Variants in KIAA0825 observed in about 807,000 individuals in gnomAD.
KIAA0825 encodes KIAA0825.
Under a neutral mutation model 147.6 loss-of-function variants are expected in KIAA0825, and 119 were observed. The observed-to-expected ratio is 0.81, with a 90% confidence interval of 0.69 to 0.94. The LOEUF is 0.94. KIAA0825 is among the 40% of genes least tolerant of loss of function. The probability of loss-of-function intolerance (pLI) is 0.00; values close to 1 mark genes in which losing one functional copy is unlikely to be tolerated. For synonymous variants in KIAA0825, 470 were observed against 518.1 expected (o/e 0.91, Z 1.26); for missense variants, 1,381 against 1,472.7 (o/e 0.94, Z 1.02).
intron 14 of KIAA0825, among the ~76,000 whole-genome samples, chr5:94,417,691 TTTTG>T (rs1237747389): frequency 6.6e-6 from 1 of 152,178 alleles, no homozygotes; most frequent in African/African-American, 2.4e-5. Context: ...AGGAAAACTT[TTTTG>T]TTTCTTTTTC....
At chr5:94,289,179 T>G (rs906180426) in intron 20 of KIAA0825, among the ~76,000 whole-genome samples, 2 of 152,206 alleles carry the variant, frequency 1.3e-5, no homozygotes, top group African/African-American at 4.8e-5. Context: ...ATGCTTTCAG[T>G]TGTTTGCTAA....
Position 94,151,416 on chromosome 5 carries a change from T to A in KIAA0825, c.*2591A>T. Among the ~76,000 whole-genome samples, 1 of 95,038 alleles carries A rather than the reference T, an allele frequency of 1.1e-5. No homozygotes were observed. The highest frequency in any genetic ancestry group is 4.3e-5 in the African/African-American group (1 of 23,034). 62.3% of individuals were successfully genotyped at this position (95,038 alleles called of 152,430 possible). A position where few individuals can be genotyped will look rare whatever the true frequency, so the allele number is the denominator to read the frequency against. On this transcript the variant is annotated 3_prime_UTR_variant, in exon 21 of 21. Coordinates refer to ENST00000682413, the MANE Select transcript of KIAA0825 (RefSeq NM_001145678.3). ...TCCGGCCTGGGCGACAGAGCGAGAC[T>A]CCGTCTCAAAAAAAAAAAAAAAAAA...
At chr5:94,203,395 T>C (rs1771874245) in intron 20 of KIAA0825, among the ~76,000 whole-genome samples, 1 of 152,172 alleles carries the variant, frequency 6.6e-6, no homozygotes, top group Non-Finnish European at 1.5e-5. Context: ...CAAAATAAGA[T>C]ACAAAACTAA....
chr5:94,404,592 T>G (rs909928285), intron 15 of KIAA0825, among the ~76,000 whole-genome samples: 14 of 151,974 alleles, frequency 9.2e-5, no homozygotes, highest in African/African-American at 3.1e-4. Flanking sequence ...AAGAATAGAG[T>G]AACAGCCCTA....
At chr5:94,609,911 A>G (rs1368338058) in intron 1 of KIAA0825, among the ~76,000 whole-genome samples, 2 of 152,160 alleles carry the variant, frequency 1.3e-5, no homozygotes, top group Non-Finnish European at 2.9e-5. Flanking sequence ...GAAAGCTCTT[A>G]ACAGTAGAGG....
chr5:94,156,428 A>T (rs1767036017), intron 20 of KIAA0825, among the ~76,000 whole-genome samples: 1 of 152,190 alleles, frequency 6.6e-6, no homozygotes. Flanking sequence ...TTTCCTTCCC[A>T]TGTAAAGGTG....
chr5:94,584,564 T>C (rs1457862592), intron 1 of KIAA0825, among the ~76,000 whole-genome samples: 1 of 152,110 alleles, frequency 6.6e-6, no homozygotes, highest in Non-Finnish European at 1.5e-5. Flanking sequence ...CTACATTTGA[T>C]TGGTGTACCT....
At chr5:94,283,842 A>T (rs894367479) in intron 20 of KIAA0825, among the ~76,000 whole-genome samples, 1 of 152,072 alleles carries the variant, frequency 6.6e-6, no homozygotes, top group African/African-American at 2.4e-5. Flanking sequence ...TACCAATTAA[A>T]CCTAAACGCG....
chr5:94,374,213 G>A (rs1747183444), intron 20 of KIAA0825, among the ~76,000 whole-genome samples: 1 of 152,110 alleles, frequency 6.6e-6, no homozygotes, highest in Non-Finnish European at 1.5e-5. Context: ...AGTGAATTTT[G>A]GTTCAATCTG....
intron 2 of KIAA0825, among the ~76,000 whole-genome samples, chr5:94,557,710 C>T (rs1400834285): frequency 2.0e-5 from 3 of 152,184 alleles, no homozygotes; most frequent in Admixed American, 6.5e-5. Flanking sequence ...AATCATCTAT[C>T]GCCTGAGAGC....
chr5:94,223,143 A>T (rs181765688), intron 20 of KIAA0825, among the ~76,000 whole-genome samples: 1 of 152,314 alleles, frequency 6.6e-6, no homozygotes, highest in East Asian at 1.9e-4. Flanking sequence ...TGTCCAAACA[A>T]TGCTTTACCT....
chr5:94,392,513 T>C (rs185543310), intron 17 of KIAA0825, among the ~76,000 whole-genome samples: 100 of 152,364 alleles, frequency 6.6e-4, no homozygotes, highest in African/African-American at 2.3e-3. Flanking sequence ...AATTATGATA[T>C]TCAATGTACA....
intron 1 of KIAA0825, among the ~76,000 whole-genome samples, chr5:94,598,793 A>G (rs772906690): frequency 5.9e-5 from 9 of 152,148 alleles, no homozygotes; most frequent in Non-Finnish European, 1.0e-4. Context: ...GACCACTATC[A>G]TATTTGTGGT....
chr5:94,579,665 A>G (rs1198214188), intron 2 of KIAA0825, among the ~76,000 whole-genome samples: 1 of 152,236 alleles, frequency 6.6e-6, no homozygotes, highest in Non-Finnish European at 1.5e-5. Flanking sequence ...TTTAAAGAGC[A>G]TATTTTGTTT....
intron 20 of KIAA0825, among the ~76,000 whole-genome samples, chr5:94,214,408 G>T (rs965215347): frequency 1.3e-5 from 2 of 152,108 alleles, no homozygotes; most frequent in African/African-American, 4.8e-5. Context: ...GCAAACCAAT[G>T]ATATAAGAGA....
intron 20 of KIAA0825, among the ~76,000 whole-genome samples, chr5:94,249,164 C>T (rs1212616289): frequency 6.6e-6 from 1 of 152,028 alleles, no homozygotes; most frequent in Non-Finnish European, 1.5e-5. Context: ...ACACAGAAGA[C>T]ACCAACATTA....
At chr5:94,228,513 C>G (rs1774405787) in intron 20 of KIAA0825, among the ~76,000 whole-genome samples, 1 of 152,178 alleles carries the variant, frequency 6.6e-6, no homozygotes, top group Non-Finnish European at 1.5e-5. Flanking sequence ...GTGTATGGGT[C>G]TTAGCTCCAT....
intron 14 of KIAA0825, among the ~76,000 whole-genome samples, chr5:94,437,065 G>A (rs1282778753): frequency 2.6e-5 from 4 of 152,034 alleles, no homozygotes; most frequent in Non-Finnish European, 4.4e-5. Flanking sequence ...TAGTTATGTT[G>A]CTTGAAATAT....
At chr5:94,447,717 T>G (rs139413462) in intron 13 of KIAA0825, among the ~76,000 whole-genome samples, 39 of 152,226 alleles carry the variant, frequency 2.6e-4, no homozygotes, top group African/African-American at 7.9e-4. Context: ...ATGAATATAA[T>G]GAAACCAAAG....
Sources: gnomAD v4.1 joint callset for allele counts (sites outside exome capture counted in the v4.1 genomes callset) on GRCh38, gnomAD v4.1.1 for gene constraint, MANE v1.5 for transcripts, NCBI Gene and HGNC (gene_info 2026-07-23, HGNC 2026-07-21) for gene names.